Variants in CA12 observed in about 807,000 individuals in gnomAD.
CA12 encodes carbonate dehydratase XII.
A neutral mutation model predicts 46.8 loss-of-function variants in CA12; 36 were observed. The observed-to-expected ratio is 0.77, with a 90% CI of 0.59 to 1.02. The LOEUF (loss-of-function observed/expected upper bound fraction) is 1.02. Ranked by LOEUF, CA12 falls within the 50% of genes least tolerant of loss-of-function variation. CA12 has a pLI of 0.00. For missense variants in CA12, 436 were observed against 451.4 expected (o/e 0.97, Z 0.31); for synonymous variants, 202 against 187.0 (o/e 1.08, Z -0.65).
rs143755361 is a variant in CA12 at position 63,322,914 on chromosome 15, A to G, written c.*3371T>C. On this transcript the variant is annotated 3_prime_UTR_variant, in exon 11 of 11. Transcript: ENST00000178638. The surrounding 1 kb of genome is among the most constrained non-coding windows in gnomAD (Gnocchi z 4.1). ...TGAACAGTTCACCTCTCTCAGGCTT[A>G]GGGTGATTATAGTGAAAATTGGATG... 2.1e-4 allele frequency: 32 copies of G among 152,392 alleles called. No homozygotes were observed. In the East Asian group the frequency reaches 6.0e-3, roughly 28 times the overall value. 9.4% of individuals were successfully genotyped at this position (152,392 alleles called of 1,614,324 possible). A position where few individuals can be genotyped will look rare whatever the true frequency, so the allele number is the denominator to read the frequency against.
chr15:63,364,548 G>A (rs774156724), intron 2 of CA12, among the ~76,000 whole-genome samples: 45 of 152,100 alleles, frequency 3.0e-4, no homozygotes, highest in Non-Finnish European at 5.4e-4. Flanking sequence ...ACACAAATAC[G>A]CAGATGAACA....
rs746774939 is a variant in CA12 at position 63,342,083 on chromosome 15, A to G, written c.444T>C (p.His148=). The G allele has an allele frequency of 5.0e-6, 8 of 1,609,024 alleles. No homozygotes were observed. Among genetic ancestry groups the G allele is most frequent in the African/African-American group, 4.0e-5 (3 of 74,730 alleles). The change falls in exon 5 of 11, where the codon CAT becomes CAC. Residue 148 remains histidine, a synonymous_variant. Transcript: ENST00000178638. ...CGTCAGGATAAAGGTCTGAGTTATA[A>G]TGGACAATGTGCAGCTGCAGTGGGG... ...QHFAAELHIV[H]YNSDLYPDAS... is the part of the protein sequence containing the mutation.
At chr15:63,352,722 T>G (rs1358786262) in intron 2 of CA12, among the ~76,000 whole-genome samples, 1 of 152,152 alleles carries the variant, frequency 6.6e-6, no homozygotes, top group East Asian at 1.9e-4. Context: ...ACATTCTAGA[T>G]GATGACACGC....
At chr15:63,376,584 T>TTCTTTCTTTCTTTC (rs2039578526) in intron 1 of CA12, among the ~76,000 whole-genome samples, 2 of 120,302 alleles carry the variant, frequency 1.7e-5, no homozygotes, top group Non-Finnish European at 3.5e-5. Flanking sequence ...CTTTCTTTCT[T>TTCTTTCTTTCTTTC]TCTTTCTTTC....
chr15:63,376,671 CAG>C (rs1166007221), intron 1 of CA12, among the ~76,000 whole-genome samples: 1 of 150,622 alleles, frequency 6.6e-6, no homozygotes, highest in African/African-American at 2.4e-5. Context: ...TTTTGTGAGA[CAG>C]GGTCTCACTC....
Position 63,326,020 on chromosome 15 carries a change from A to G in CA12, c.*265T>C, listed in dbSNP as rs915968368. ...GGTTTGTGATTCCAGAATTCAGACC[A>G]CTTCACAATCTCACACAGTTACAGC... On this transcript the variant is annotated 3_prime_UTR_variant, in exon 11 of 11. Coordinates refer to ENST00000178638, the MANE Select transcript of CA12 (RefSeq NM_001218.5). The G allele has an allele frequency of 4.4e-5, 22 of 495,370 alleles. No individual in the cohort carries two copies. The highest frequency in any genetic ancestry group is 5.7e-4 in the Middle Eastern group (1 of 1,760). The allele number at this position is 495,370 out of a possible 1,614,324, so 30.7% of individuals were successfully genotyped here. A position where few individuals can be genotyped will look rare whatever the true frequency, so the allele number is the denominator to read the frequency against.
rs190901123 is a variant in CA12 at position 63,339,717 on chromosome 15, G to T, written c.747+571C>A. On this transcript the variant is annotated intron_variant, in intron 7 of 10. Coordinates refer to ENST00000178638, the MANE Select transcript of CA12 (RefSeq NM_001218.5). The surrounding 1 kb of genome is among the most constrained non-coding windows in gnomAD (Gnocchi z 4.3). ...CATGAATTTAGGCTGTGGAGGACAG[G>T]TATGAGCAGTGACATGGAACTCAGA... 1.3e-5 allele frequency among the ~76,000 whole-genome samples: 2 copies of T among 152,340 alleles called. No individual in the cohort carries two copies. Among genetic ancestry groups the T allele is most frequent in the Admixed American group, 1.3e-4 (2 of 15,304 alleles).
rs1321095156 is a variant in CA12, at chr15:63,330,004, G to C, written c.875-1874C>G. 1.3e-5 allele frequency among the ~76,000 whole-genome samples: 2 copies of C among 152,222 alleles called. No individual in the cohort carries two copies. Among genetic ancestry groups the C allele is most frequent in the Admixed American group, 1.3e-4 (2 of 15,292 alleles). ...TCCCCAGGTGGCACCGGGCTGCTGT[G>C]AGGGTTAGCAGAGCAGGCAGGGAGA... On this transcript the variant is annotated intron_variant, in intron 8 of 10. Transcript: ENST00000178638. The surrounding 1 kb of genome is among the most constrained non-coding windows in gnomAD (Gnocchi z 4.0).
intron 1 of CA12, among the ~76,000 whole-genome samples, chr15:63,380,953 C>G (rs1363351743): frequency 2.0e-5 from 3 of 152,296 alleles, no homozygotes; most frequent in African/African-American, 7.2e-5. Context: ...AGCCTCCATT[C>G]AGTCCCTCAG....
intron 1 of CA12, among the ~76,000 whole-genome samples, chr15:63,380,407 G>C (rs1235953293): frequency 2.0e-5 from 3 of 152,202 alleles, no homozygotes; most frequent in African/African-American, 7.2e-5. Flanking sequence ...ATAGGAAAGA[G>C]GGCCAACTAA....
intron 4 of CA12, among the ~76,000 whole-genome samples, chr15:63,342,779 C>T (rs943644552): frequency 6.6e-6 from 1 of 152,094 alleles, no homozygotes; most frequent in Non-Finnish European, 1.5e-5. Flanking sequence ...TTTACACAAC[C>T]CATGCATTTT....
chr15:63,354,751 A>C (rs963627753), intron 2 of CA12, among the ~76,000 whole-genome samples: 1 of 152,076 alleles, frequency 6.6e-6, no homozygotes, highest in Non-Finnish European at 1.5e-5. Context: ...ATCATTTCCC[A>C]TCCAGCCATG....
intron 8 of CA12, among the ~76,000 whole-genome samples, chr15:63,338,119 A>G (rs886276787): frequency 5.9e-5 from 9 of 152,184 alleles, no homozygotes; most frequent in African/African-American, 2.2e-4. Flanking sequence ...AAAACGGTTA[A>G]TGTTCTACTG....
intron 1 of CA12, among the ~76,000 whole-genome samples, chr15:63,377,801 G>A (rs1391890690): frequency 6.6e-6 from 1 of 152,102 alleles, no homozygotes; most frequent in African/African-American, 2.4e-5. Flanking sequence ...TTTATGTTTA[G>A]GCATTATTTA....
intron 2 of CA12, among the ~76,000 whole-genome samples, chr15:63,349,645 G>A (rs978511664): frequency 6.6e-6 from 1 of 152,208 alleles, no homozygotes; most frequent in African/African-American, 2.4e-5. Context: ...AGAGATTTAA[G>A]AGATTTGCCG....
chr15:63,338,800 C>T lies in CA12; in HGVS notation c.874+19G>A. ...ACCACACTCCCGCACCCCCTCCCCC[C>T]AGCACTGCCTCTCCTCACCTTGGGA... On this transcript the variant is annotated intron_variant, in intron 8 of 10. Transcript: ENST00000178638. 1 of 1,613,762 alleles carries T rather than the reference C, an allele frequency of 6.2e-7. No homozygotes were observed. Among genetic ancestry groups the T allele is most frequent in the South Asian group, 1.1e-5 (1 of 91,060 alleles).
In CA12 at chr15:63,338,061, C is replaced by T. The variant is rs1595778042; in HGVS notation, c.874+758G>A. On this transcript the variant is annotated intron_variant, in intron 8 of 10. Transcript: ENST00000178638. ...CCCAAAAGTGCTCCCTCACCCCTTT[C>T]CCCTGATGCCCAGTTTCCAGCAGTG... Among the ~76,000 whole-genome samples, 8 of 152,296 alleles carry T rather than the reference C, an allele frequency of 5.3e-5. No homozygotes were observed. The South Asian group carries it at 1.7e-3, about 32-fold the overall frequency.
Position 63,327,037 on chromosome 15 carries a change from G to A in CA12, c.992+112C>T. On this transcript the variant is annotated intron_variant, in intron 10 of 10. Transcript: ENST00000178638. The surrounding 1 kb of genome is among the most constrained non-coding windows in gnomAD (Gnocchi z 4.5). ...TTTGGGGACGGCCCTCCTAGGGTAA[G>A]TGGTGGTCCAGGTGACTGCGGCTCT... 1 of 930,694 alleles carries A rather than the reference G, an allele frequency of 1.1e-6. No individual in the cohort carries two copies. Among genetic ancestry groups the A allele is most frequent in the East Asian group, 2.6e-5 (1 of 39,058 alleles). The allele number at this position is 930,694 out of a possible 1,614,324, so 57.7% of individuals were successfully genotyped here.
intron 1 of CA12, among the ~76,000 whole-genome samples, chr15:63,379,571 G>C (rs527901749): frequency 9.2e-5 from 14 of 152,338 alleles, no homozygotes; most frequent in African/African-American, 3.4e-4. Flanking sequence ...TCCCAAGGAA[G>C]GTTATCTGTT....
Sources: gnomAD v4.1 joint callset for allele counts (sites outside exome capture counted in the v4.1 genomes callset) on GRCh38, gnomAD v4.1.1 for gene constraint, Gnocchi (gnomAD v3.1) non-coding constraint, MANE v1.5 for transcripts, NCBI Gene and HGNC (gene_info 2026-07-23, HGNC 2026-07-21) for gene names.